The following TBC1D1 variants were observed in gnomAD, a reference collection of about 807,000 sequenced individuals.
TBC1D1 encodes TBC1 domain family member 1.
A neutral mutation model predicts 125.6 loss-of-function variants in TBC1D1; 89 were observed. The observed-to-expected ratio is 0.71, with a 90% CI of 0.60 to 0.85. The LOEUF (loss-of-function observed/expected upper bound fraction) is 0.85, where lower values mean the gene tolerates loss of function less well. TBC1D1 is among the 40% of genes least tolerant of loss of function. The pLI, the probability that TBC1D1 is intolerant of heterozygous loss-of-function variation, is 0.00. For synonymous variants in TBC1D1, 565 were observed against 564.1 expected (o/e 1.00, Z -0.02); for missense variants, 1,377 against 1,469.2 (o/e 0.94, Z 1.03).
intron 2 of TBC1D1, among the ~76,000 whole-genome samples, chr4:37,924,841 A>G (rs1721728177): frequency 1.3e-5 from 2 of 152,230 alleles, no homozygotes; most frequent in African/African-American, 4.8e-5. Flanking sequence ...ACATGGGTGT[A>G]CAAATACCTG....
intron 15 of TBC1D1, among the ~76,000 whole-genome samples, chr4:38,103,657 A>C (rs1448150553): frequency 6.6e-6 from 1 of 152,170 alleles, no homozygotes; most frequent in East Asian, 1.9e-4. Flanking sequence ...AATAGTTTTT[A>C]AAATAAGAAG....
chr4:38,044,339 CT>C, intron 8 of TBC1D1, 22 bp from the exon 9 acceptor site: 1 of 1,589,118 alleles, frequency 6.3e-7, no homozygotes, highest in Non-Finnish European at 8.5e-7. Context: ...CGATAAATGA[CT>C]TTTCGTTTTT....
At chr4:38,121,498 C>G (rs1372406709) in intron 17 of TBC1D1, among the ~76,000 whole-genome samples, 6 of 152,144 alleles carry the variant, frequency 3.9e-5, no homozygotes, top group Non-Finnish European at 8.8e-5. Context: ...AACGTCTTGC[C>G]TGTTTCTAGG....
chr4:37,894,797 G>C (rs532658542), intron 1 of TBC1D1, among the ~76,000 whole-genome samples: 42 of 152,116 alleles, frequency 2.8e-4, no homozygotes, highest in African/African-American at 9.4e-4. Flanking sequence ...GACCAACCCA[G>C]CTAATCCACT....
intron 8 of TBC1D1, among the ~76,000 whole-genome samples, chr4:38,042,000 C>G (rs1030205021): frequency 6.6e-6 from 1 of 151,820 alleles, no homozygotes; most frequent in African/African-American, 2.4e-5. Context: ...ATGGCGAAAC[C>G]CCATCTCTAC....
At position 38,052,719 on chromosome 4, in the gene TBC1D1, C is replaced by CGT. The variant is rs1560698447; in HGVS notation, c.1911-1479_1911-1478insTG. On this transcript the variant is annotated intron_variant, in intron 11 of 19. Coordinates refer to ENST00000261439, the MANE Select transcript of TBC1D1 (RefSeq NM_015173.4). ...ATGCGTATATACACACACACGCGCG[C>CGT]GCGCGCGCGCACACACACACACACA... Among the ~76,000 whole-genome samples, 46 of 72,744 alleles carry CGT rather than the reference C, an allele frequency of 6.3e-4. 1 individual carries two copies. The highest frequency in any genetic ancestry group is 8.9e-4 in the African/African-American group (17 of 19,144). The allele number at this position is 72,744 out of a possible 152,430, so 47.7% of individuals were successfully genotyped here. A position where few individuals can be genotyped will look rare whatever the true frequency, so the allele number is the denominator to read the frequency against.
At chr4:38,070,781 TTTGTA>T (rs1754574591) in intron 12 of TBC1D1, among the ~76,000 whole-genome samples, 1 of 152,328 alleles carries the variant, frequency 6.6e-6, no homozygotes, top group African/African-American at 2.4e-5. Flanking sequence ...TTGTTTCAAT[TTTGTA>T]TTGTAGTGAC....
intron 10 of TBC1D1, among the ~76,000 whole-genome samples, chr4:38,046,520 A>G (rs543773734): frequency 6.6e-6 from 1 of 152,178 alleles, no homozygotes; most frequent in East Asian, 1.9e-4. Context: ...GTACATGTGC[A>G]TGTTTATTAC....
At chr4:38,008,025 G>GACCTGGACATCAGGGCTTGAAA (rs1740702290) in intron 2 of TBC1D1, among the ~76,000 whole-genome samples, 1 of 152,196 alleles carries the variant, frequency 6.6e-6, no homozygotes, top group Non-Finnish European at 1.5e-5. Context: ...TAGGTGGGTG[G>GACCTGGACATCAGGGCTTGAAA]ACCTGGACAT....
chr4:38,103,796 A>G (rs763127797), intron 15 of TBC1D1, among the ~76,000 whole-genome samples: 2 of 152,234 alleles, frequency 1.3e-5, no homozygotes, highest in Non-Finnish European at 2.9e-5. Flanking sequence ...ATTTTAAAAT[A>G]TAGTAACTAT....
chr4:38,011,318 A>C (rs1047554454), intron 2 of TBC1D1, among the ~76,000 whole-genome samples: 28 of 148,886 alleles, frequency 1.9e-4, no homozygotes, highest in Admixed American at 1.8e-3. Flanking sequence ...GCCCCATTGC[A>C]CTCCAGCCTG....
Position 38,037,380 on chromosome 4 carries a change from A to G in TBC1D1, c.1413+1682A>G, listed in dbSNP as rs182170657. ...ACACTTTTACTAGGGGTTTCTAAAC[A>G]TCATGAACCAGACGGCTCATGTCTT... On this transcript the variant is annotated intron_variant, in intron 8 of 19. Transcript: ENST00000261439. Among the ~76,000 whole-genome samples the G allele has an allele frequency of 2.1e-3, 323 of 151,978 alleles. 3 individuals carry two copies. The highest frequency in any genetic ancestry group is 7.5e-3 in the African/African-American group (310 of 41,450).
chr4:38,112,291 C>T (rs1021147845), intron 15 of TBC1D1, among the ~76,000 whole-genome samples: 3 of 152,132 alleles, frequency 2.0e-5, no homozygotes, highest in Non-Finnish European at 4.4e-5. Flanking sequence ...GCGAGATTTC[C>T]CAGCTTATGT....
chr4:38,101,354 C>T (rs1760298445), intron 14 of TBC1D1, among the ~76,000 whole-genome samples: 1 of 152,202 alleles, frequency 6.6e-6, no homozygotes, highest in Non-Finnish European at 1.5e-5. Flanking sequence ...TCTTATTCTT[C>T]AGTCTTCTTG....
At position 37,982,593 on chromosome 4, in the gene TBC1D1, T is replaced by G. The variant is rs932863221; in HGVS notation, c.418-31916T>G. On this transcript the variant is annotated intron_variant, in intron 2 of 19. Coordinates refer to ENST00000261439, the MANE Select transcript of TBC1D1 (RefSeq NM_015173.4). ...TTTGGGCTTTGGGAACTCTAGTTGC[T>G]TAGAGTGTGCCAGGAACTTGGGCGT... 5.9e-5 allele frequency among the ~76,000 whole-genome samples: 9 copies of G among 152,162 alleles called. No homozygotes were observed. The East Asian group carries it at 1.5e-3, about 26-fold the overall frequency.
intron 2 of TBC1D1, among the ~76,000 whole-genome samples, chr4:37,913,853 A>T (rs1719154860): frequency 6.6e-6 from 1 of 151,084 alleles, no homozygotes; most frequent in Non-Finnish European, 1.5e-5. Context: ...AATTGCTCTT[A>T]TAATGTCACG....
intron 2 of TBC1D1, among the ~76,000 whole-genome samples, chr4:37,988,737 C>T (rs531453927): frequency 4.6e-5 from 7 of 152,114 alleles, no homozygotes; most frequent in Non-Finnish European, 8.8e-5. Context: ...CAAATGGAAA[C>T]CAAAAACAAA....
At chr4:38,016,400 G>A (rs1004512612) in intron 3 of TBC1D1, among the ~76,000 whole-genome samples, 4 of 152,210 alleles carry the variant, frequency 2.6e-5, no homozygotes, top group Non-Finnish European at 5.9e-5. Context: ...CCTTTGCTCA[G>A]CATTCTTCCC....
chr4:37,959,830 T>C (rs889541585), intron 2 of TBC1D1, among the ~76,000 whole-genome samples: 16 of 152,156 alleles, frequency 1.1e-4, no homozygotes, highest in Non-Finnish European at 2.1e-4. Flanking sequence ...GCACCATTAG[T>C]AGTCACGTTG....
Sources: gnomAD v4.1 joint callset for allele counts (sites outside exome capture counted in the v4.1 genomes callset) on GRCh38, gnomAD v4.1.1 for gene constraint, MANE v1.5 for transcripts, NCBI Gene and HGNC (gene_info 2026-07-23, HGNC 2026-07-21) for gene names.